PITPNM3: variants seen among roughly 807,000 people sequenced by gnomAD.
PITPNM3 encodes the protein membrane-associated phosphatidylinositol transfer protein 3.
A neutral mutation model predicts 102.0 loss-of-function variants in PITPNM3; 26 were observed. The ratio of observed to expected loss-of-function variants is 0.25; its 90% CI spans 0.19 to 0.35. The LOEUF (loss-of-function observed/expected upper bound fraction) is 0.35, where lower values mean the gene tolerates loss of function less well. PITPNM3 is among the 10% of genes least tolerant of loss of function. PITPNM3 has a pLI of 1.00. For synonymous variants in PITPNM3, 578 were observed against 558.6 expected (o/e 1.03, Z -0.49); for missense variants, 1,083 against 1,346.1 (o/e 0.80, Z 3.06).
chr17:6,478,820 A>G lies in PITPNM3; in HGVS notation c.588-84T>C. On this transcript the variant is annotated intron_variant, in intron 6 of 19. Transcript: ENST00000262483. This position sits in a 1 kb window ranked among gnomAD's most constrained non-coding sequence, Gnocchi z 4.4. ...GGCTGAGGATCAGGCAGAAGAGAGC[A>G]CATACTGGCCAGGAATTGGGCTCCA... The G allele has an allele frequency of 7.3e-7, 1 of 1,375,414 alleles. No individual in the cohort carries two copies. Among genetic ancestry groups the G allele is most frequent in the Non-Finnish European group, 9.8e-7 (1 of 1,022,280 alleles). The allele number at this position is 1,375,414 out of a possible 1,614,324, so 85.2% of individuals were successfully genotyped here.
chr17:6,524,544 T>A (rs1211798224), intron 3 of PITPNM3, among the ~76,000 whole-genome samples: 1 of 152,140 alleles, frequency 6.6e-6, no homozygotes, highest in Non-Finnish European at 1.5e-5. Flanking sequence ...ACGTTGTCCG[T>A]TTGAATTTTA....
At chr17:6,503,600 G>A (rs1410972865) in intron 3 of PITPNM3, 26 bp from the exon 4 acceptor site, 1 of 1,603,442 alleles carries the variant, frequency 6.2e-7, no homozygotes, top group Non-Finnish European at 8.5e-7. Context: ...AGAAACATGA[G>A]CAGATCCTTG....
At position 6,468,930 on chromosome 17, in the gene PITPNM3, C is replaced by T. The variant is rs561191999; in HGVS notation, c.1774-589G>A. Among the ~76,000 whole-genome samples, 29 of 152,270 alleles carry T rather than the reference C, an allele frequency of 1.9e-4. No individual in the cohort carries two copies. Among genetic ancestry groups the T allele is most frequent in the Admixed American group, 1.5e-3 (23 of 15,296 alleles). On this transcript the variant is annotated intron_variant, in intron 13 of 19. Transcript: ENST00000262483. This position sits in a 1 kb window ranked among gnomAD's most constrained non-coding sequence, Gnocchi z 5.2. ...CACCCCTTCCTCACCTGCCCCCTCTCCTCCACCCACTCCAGTCAGGGTTCT... is the reference window on the plus strand; with the variant it reads ...CACCCCTTCCTCACCTGCCCCCTCTTCTCCACCCACTCCAGTCAGGGTTCT...
At chr17:6,475,877 G>A (rs183541649) in intron 9 of PITPNM3, among the ~76,000 whole-genome samples, 12 of 152,260 alleles carry the variant, frequency 7.9e-5, no homozygotes, top group African/African-American at 2.9e-4. Context: ...ATCTGTCAGC[G>A]GGGCTTTAAA....
At position 6,537,716 on chromosome 17, in the gene PITPNM3, G is replaced by C. The variant is rs997079579; in HGVS notation, c.118+271C>G. ...TCCTGCAAGGCTATAAGTATGATGA[G>C]AGCAGCAATGTGACGACTGATTGCC... On this transcript the variant is annotated intron_variant, in intron 2 of 19. Transcript: ENST00000262483. The surrounding 1 kb of genome is among the most constrained non-coding windows in gnomAD (Gnocchi z 4.4). 1.3e-5 allele frequency among the ~76,000 whole-genome samples: 2 copies of C among 152,224 alleles called. No homozygotes were observed. Among genetic ancestry groups the C allele is most frequent in the African/African-American group, 4.8e-5 (2 of 41,464 alleles).
At chr17:6,522,918 C>T (rs753732203) in intron 3 of PITPNM3, among the ~76,000 whole-genome samples, 35 of 152,152 alleles carry the variant, frequency 2.3e-4, no homozygotes, top group Non-Finnish European at 4.0e-4. Context: ...ATTCCCCCTA[C>T]ATTGAGCACA....
At chr17:6,473,647 G>A (rs141147958) in intron 10 of PITPNM3, among the ~76,000 whole-genome samples, 240 of 152,286 alleles carry the variant, frequency 1.6e-3, no homozygotes, top group Non-Finnish European at 2.2e-3. Context: ...ATCGCCTGGT[G>A]TGTACATTTT....
chr17:6,478,680 G>A lies in PITPNM3; in HGVS notation c.644C>T (p.Pro215Leu), dbSNP rs1206586863. The A allele has an allele frequency of 6.2e-7, 1 of 1,610,338 alleles. No individual in the cohort carries two copies. The highest frequency in any genetic ancestry group is 1.3e-5 in the African/African-American group (1 of 74,904). Residue 215 changes from proline (P) to leucine (L), a missense_variant, in exon 7 of 20, where the codon CCT (proline) becomes CTT (leucine). This residue lies in a region of PITPNM3 where 290 missense variants were observed against 337.8 expected (regional missense o/e 0.86). Transcript: ENST00000262483. This position sits in a 1 kb window ranked among gnomAD's most constrained non-coding sequence, Gnocchi z 4.4. The stretch of plus-strand genomic sequence containing the variant: ...GGCCAACAGGGGAAGGGCGGCCAGA[G>A]GGACGTGGTCCTGGCTGCTGCTGAG... ...GCLSSSQDHV[P>L]LAALPLLAIS... is the part of the protein sequence containing the mutation.
At position 6,477,130 on chromosome 17, in the gene PITPNM3, C is replaced by A; in HGVS notation, c.984G>T (p.Gly328=). ...LSKSNIDISS[G]LEDEEPKRPL... ...GCCTCTTGGGCTCCTCATCCTCCAACCCACTGGAGATGTCAATGTTGCTTT... is the reference window on the plus strand; with the variant it reads ...GCCTCTTGGGCTCCTCATCCTCCAAACCACTGGAGATGTCAATGTTGCTTT... The change falls in exon 9 of 20, where the codon GGG becomes GGT. Residue 328 remains glycine, a synonymous_variant. Coordinates refer to ENST00000262483, the MANE Select transcript of PITPNM3 (RefSeq NM_031220.4). The A allele has an allele frequency of 6.2e-7, 1 of 1,614,206 alleles. No individual in the cohort carries two copies. Among genetic ancestry groups the A allele is most frequent in the Non-Finnish European group, 8.5e-7 (1 of 1,180,034 alleles).
In PITPNM3 at chr17:6,457,529, A is replaced by T; in HGVS notation, c.2619+65T>A. On this transcript the variant is annotated intron_variant, in intron 19 of 19. Transcript: ENST00000262483. This position sits in a 1 kb window ranked among gnomAD's most constrained non-coding sequence, Gnocchi z 4.7. ...GAATGAATGAATGAATGAAGTGCTT[A>T]CTCCCTCTATCCCTTTCCCTGACCT... is the stretch of plus-strand genomic sequence containing the variant. The T allele has an allele frequency of 6.5e-7, 1 of 1,544,090 alleles. No individual in the cohort carries two copies. The highest frequency in any genetic ancestry group is 8.9e-7 in the Non-Finnish European group (1 of 1,120,522).
In PITPNM3 at chr17:6,477,954, G is replaced by A. The variant is rs765393972; in HGVS notation, c.900+21C>T. ...GCTCCTATGGGCATACCCCTCCCGC[G>A]GTCCTGTCCCCCGGCTGTACCTGGG... On this transcript the variant is annotated intron_variant, in intron 8 of 19. Transcript: ENST00000262483. 12 of 1,610,382 alleles carry A rather than the reference G, an allele frequency of 7.5e-6. No homozygotes were observed. In the South Asian group the frequency reaches 7.7e-5, roughly 10 times the overall value.
chr17:6,463,719 AG>A lies in PITPNM3; in HGVS notation c.2306+12del. 1 of 1,610,568 alleles carries A rather than the reference AG, an allele frequency of 6.2e-7. No homozygotes were observed. Among genetic ancestry groups the A allele is most frequent in the Non-Finnish European group, 8.5e-7 (1 of 1,179,488 alleles). The stretch of plus-strand genomic sequence containing the variant: ...CCCAGGGAGATATAGCCCTCGTGGA[AG>A]GTGGCACTCACCGGACAACATCCAC... On this transcript the variant is annotated intron_variant, in intron 17 of 19. Transcript: ENST00000262483.
At chr17:6,503,133 A>C (rs1046827842) in intron 4 of PITPNM3, among the ~76,000 whole-genome samples, 12 of 152,142 alleles carry the variant, frequency 7.9e-5, no homozygotes, top group African/African-American at 2.9e-4. Context: ...GTGTCACCCA[A>C]AAGTGATGGG....
At chr17:6,554,470 C>T (rs983387067) in intron 1 of PITPNM3, among the ~76,000 whole-genome samples, 3 of 152,074 alleles carry the variant, frequency 2.0e-5, no homozygotes, top group African/African-American at 4.8e-5. Context: ...TCTACAGACA[C>T]GGGGAATCTG....
At chr17:6,499,800 G>C (rs1367228507) in intron 4 of PITPNM3, among the ~76,000 whole-genome samples, 3 of 151,912 alleles carry the variant, frequency 2.0e-5, no homozygotes, top group Non-Finnish European at 4.4e-5. Context: ...GCACAATCTC[G>C]GCTCACTGCA....
At chr17:6,550,519 C>A (rs1910248431) in intron 1 of PITPNM3, among the ~76,000 whole-genome samples, 1 of 152,186 alleles carries the variant, frequency 6.6e-6, no homozygotes, top group Admixed American at 6.5e-5. Context: ...AAAGTTCACA[C>A]TCTGTCCTTG....
intron 3 of PITPNM3, among the ~76,000 whole-genome samples, chr17:6,505,078 A>G (rs1267021616): frequency 2.6e-5 from 4 of 151,888 alleles, no homozygotes; most frequent in African/African-American, 9.7e-5. Flanking sequence ...CGGGAGGCTG[A>G]GGCAGGAGAA....
intron 11 of PITPNM3, 130 bp from the exon 12 acceptor site, chr17:6,471,485 G>A (rs1036808930): frequency 6.5e-6 from 6 of 921,702 alleles, no homozygotes; most frequent in Non-Finnish European, 9.5e-6. Flanking sequence ...TCACTTGCCA[G>A]CCCAGCAGGC....
chr17:6,475,531 T>C (rs749765360), intron 9 of PITPNM3, among the ~76,000 whole-genome samples: 2 of 152,242 alleles, frequency 1.3e-5, no homozygotes, highest in African/African-American at 2.4e-5. Flanking sequence ...TGAGCGAGTC[T>C]GCAAAGTTGA....
Sources: allele counts gnomAD v4.1 joint callset (sites outside exome capture counted in the v4.1 genomes callset), GRCh38; gene constraint gnomAD v4.1.1; regional missense constraint gnomAD v4.1.1; non-coding constraint Gnocchi (gnomAD v3.1); transcripts MANE v1.5; gene names NCBI Gene and HGNC (gene_info 2026-07-23, HGNC 2026-07-21).